EHBP1: variants seen among roughly 807,000 people sequenced by gnomAD.
EHBP1 encodes the protein EH domain binding protein 1, also known as EH domain-binding protein 1.
A neutral mutation model predicts 144.0 loss-of-function variants in EHBP1; 55 were observed. That is an observed-to-expected ratio of 0.38 (90% CI 0.31 to 0.48). The LOEUF is 0.48. Ranked by LOEUF, EHBP1 falls within the 20% of genes least tolerant of loss-of-function variation. The pLI, the probability that EHBP1 is intolerant of heterozygous loss-of-function variation, is 0.98. For synonymous variants in EHBP1, 469 were observed against 472.7 expected, an observed-to-expected ratio of 0.99 and a Z score of 0.10; for missense variants, 1,200 against 1,364.2, an observed-to-expected ratio of 0.88 and a Z score of 1.90.
In EHBP1 at chr2:62,837,233, C is replaced by G. The variant is rs1429864612; in HGVS notation, c.634+6075C>G. ...TTCAACCCAGAATTTCATATCCAGC[C>G]AAACTAAGCTTCATAAGTGAAGGAG... On this transcript the variant is annotated intron_variant, in intron 7 of 22. Transcript: ENST00000431489. 1.7e-4 allele frequency among the ~76,000 whole-genome samples: 25 copies of G among 144,132 alleles called. 1 individual carries two copies. The East Asian group carries it at 4.9e-3, about 28-fold the overall frequency. The allele number at this position is 144,132 out of a possible 152,430, so 94.6% of individuals were successfully genotyped here.
intron 2 of EHBP1, among the ~76,000 whole-genome samples, chr2:62,728,973 T>G (rs2037119332): frequency 6.6e-6 from 1 of 151,982 alleles, no homozygotes; most frequent in East Asian, 1.9e-4. Context: ...TTTATTCTTT[T>G]GTATGTGAGT....
chr2:62,785,599 A>G (rs1446254418), intron 5 of EHBP1, among the ~76,000 whole-genome samples: 1 of 152,154 alleles, frequency 6.6e-6, no homozygotes, highest in Non-Finnish European at 1.5e-5. Flanking sequence ...GGCGGGGGAA[A>G]GATATCCAGA....
intron 14 of EHBP1, among the ~76,000 whole-genome samples, chr2:62,968,540 A>G (rs1394944758): frequency 6.6e-6 from 1 of 152,200 alleles, no homozygotes; most frequent in African/African-American, 2.4e-5. Context: ...TTAATATGAT[A>G]CATAGATGTC....
intron 9 of EHBP1, among the ~76,000 whole-genome samples, chr2:62,871,541 T>A (rs189432791): frequency 6.6e-6 from 1 of 152,358 alleles, no homozygotes; most frequent in East Asian, 1.9e-4. Flanking sequence ...ACTTGTTTAG[T>A]ATTTATCATC....
At chr2:62,704,614 GC>G (rs1199863015), upstream of EHBP1, among the ~76,000 whole-genome samples, 2 of 151,702 alleles carry the variant, frequency 1.3e-5, no homozygotes, top group Non-Finnish European at 1.5e-5. Context: ...TTGCTGATGC[GC>G]CTACTTCTCT....
rs1573968716 is a variant in EHBP1, at chr2:62,900,434, C to T, written c.1185+25902C>T. Reference sequence around the variant, plus strand: ...CCCAGGATTTCAAGACCAGACTGGGCAACATGGTGAGACCCCATCTTCACA... The same window carrying T: ...CCCAGGATTTCAAGACCAGACTGGGTAACATGGTGAGACCCCATCTTCACA... On this transcript the variant is annotated intron_variant, in intron 10 of 22. Coordinates refer to ENST00000431489, the MANE Select transcript of EHBP1 (RefSeq NM_001142616.3). Among the ~76,000 whole-genome samples the T allele has an allele frequency of 2.6e-5, 4 of 151,854 alleles. No individual in the cohort carries two copies. The South Asian group carries it at 6.2e-4, about 24-fold the overall frequency.
chr2:62,768,538 C>T (rs1573235547), intron 4 of EHBP1, among the ~76,000 whole-genome samples: 1 of 151,918 alleles, frequency 6.6e-6, no homozygotes, highest in Admixed American at 6.6e-5. Context: ...GCCTACCAAC[C>T]AAAAAAAGCC....
At chr2:62,802,009 A>G (rs972955930) in intron 5 of EHBP1, among the ~76,000 whole-genome samples, 1 of 152,208 alleles carries the variant, frequency 6.6e-6, no homozygotes, top group Non-Finnish European at 1.5e-5. Flanking sequence ...CACAGGATAT[A>G]CTCTGAGGAA....
chr2:62,778,815 A>G (rs1156659776), intron 5 of EHBP1, among the ~76,000 whole-genome samples: 1 of 152,066 alleles, frequency 6.6e-6, no homozygotes, highest in Non-Finnish European at 1.5e-5. Flanking sequence ...AATTACTTCT[A>G]CTTTTTCTTT....
intron 14 of EHBP1, among the ~76,000 whole-genome samples, chr2:62,977,173 TAAA>T (rs1299604271): frequency 1.4e-5 from 2 of 141,404 alleles, no homozygotes; most frequent in Admixed American, 7.1e-5. Flanking sequence ...CCCCTAGACT[TAAA>T]AAAAAAAAAA....
At chr2:63,019,855 G>GGAAA (rs2060643078) in intron 19 of EHBP1, among the ~76,000 whole-genome samples, 1 of 133,804 alleles carries the variant, frequency 7.5e-6, no homozygotes, top group Non-Finnish European at 1.7e-5. Context: ...AAGGAAGGAA[G>GGAAA]GAAGGAAGGA....
chr2:62,978,573 A>C (rs2058820455), intron 14 of EHBP1, among the ~76,000 whole-genome samples: 1 of 152,104 alleles, frequency 6.6e-6, no homozygotes, highest in African/African-American at 2.4e-5. Context: ...ACCACATTAG[A>C]TTTTAATTTT....
At position 62,831,109 on chromosome 2, in the gene EHBP1, T is replaced by A; in HGVS notation, c.585T>A (p.Asp195Glu). Residue 195 changes from aspartate (D) to glutamate (E), a missense_variant, in exon 7 of 23, where the codon GAT becomes GAA. Around this residue, in one of 6 missense-constraint regions of EHBP1, gnomAD observed 266 missense variants for 262.4 expected, o/e 1.01. Coordinates refer to ENST00000431489, the MANE Select transcript of EHBP1 (RefSeq NM_001142616.3). ...NLDDFEEDNE[D>E]DDENRVNQEE... ...ATGACTTCGAAGAAGATAATGAAGA[T>A]GATGATGAGAACAGAGTGAACCAAG... The A allele has an allele frequency of 2.5e-6, 4 of 1,609,576 alleles. No homozygotes were observed. The highest frequency in any genetic ancestry group is 3.4e-6 in the Non-Finnish European group (4 of 1,178,570).
intron 5 of EHBP1, among the ~76,000 whole-genome samples, chr2:62,813,683 C>G (rs528226129): frequency 6.6e-6 from 1 of 152,304 alleles, no homozygotes; most frequent in East Asian, 1.9e-4. Flanking sequence ...TCATGTGCCC[C>G]AGTGTGCCTA....
chr2:62,726,626 T>C (rs1186402706), intron 2 of EHBP1: 1 of 152,220 alleles, frequency 6.6e-6, no homozygotes, highest in Non-Finnish European at 1.5e-5. Flanking sequence ...GTTTTGTTTT[T>C]ATTTTTTATT....
chr2:62,784,021 A>G (rs1353673700), intron 5 of EHBP1, among the ~76,000 whole-genome samples: 1 of 152,212 alleles, frequency 6.6e-6, no homozygotes, highest in Non-Finnish European at 1.5e-5. Context: ...AAAGTTCCAC[A>G]GATCTCTGGG....
At chr2:62,730,907 TGAGA>T (rs1273870423) in intron 2 of EHBP1, among the ~76,000 whole-genome samples, 6 of 7,558 alleles carry the variant, frequency 7.9e-4, no homozygotes, top group Non-Finnish European at 1.1e-3. Flanking sequence ...ACAGACACAG[TGAGA>T]GAGACAGGTA....
At chr2:62,964,620 T>A (rs1558992399) in intron 14 of EHBP1, among the ~76,000 whole-genome samples, 1 of 152,204 alleles carries the variant, frequency 6.6e-6, no homozygotes, top group Non-Finnish European at 1.5e-5. Flanking sequence ...ACTAATTCCT[T>A]TGCTTCACTT....
intron 7 of EHBP1, among the ~76,000 whole-genome samples, chr2:62,838,166 A>G (rs1228884117): frequency 6.6e-6 from 1 of 152,012 alleles, no homozygotes; most frequent in Non-Finnish European, 1.5e-5. Context: ...CAATCAAACT[A>G]GAACTCAGGA....
Sources: allele counts gnomAD v4.1 joint callset (sites outside exome capture counted in the v4.1 genomes callset), GRCh38; gene constraint gnomAD v4.1.1; regional missense constraint gnomAD v4.1.1; transcripts MANE v1.5; gene names NCBI Gene and HGNC (gene_info 2026-07-23, HGNC 2026-07-21).